Variants in PTCHD4 observed in about 807,000 individuals in gnomAD.
PTCHD4 encodes the protein patched domain containing 4, also known as patched domain-containing protein 4.
PTCHD4 carries 33 observed loss-of-function variants against 58.1 expected under a neutral mutation model. That is an observed-to-expected ratio of 0.57 (90% CI 0.43 to 0.76). The LOEUF (loss-of-function observed/expected upper bound fraction) is 0.76, where lower values mean the gene tolerates loss of function less well. Among genes scored for constraint, PTCHD4 ranks in the 30% least tolerant of loss-of-function variants. PTCHD4 has a pLI of 0.00. For synonymous variants in PTCHD4, 478 were observed against 409.6 expected, an observed-to-expected ratio of 1.17 and a Z score of -2.02; for missense variants, 1,058 against 1,027.1, an observed-to-expected ratio of 1.03 and a Z score of -0.41.
chr6:48,019,386 A>G (rs1210588007), intron 3 of PTCHD4, among the ~76,000 whole-genome samples: 2 of 152,138 alleles, frequency 1.3e-5, no homozygotes, highest in Non-Finnish European at 2.9e-5. Flanking sequence ...CCTGTCTTCA[A>G]AGGGCCTATG....
chr6:47,866,772 G>A lies in PTCHD4; in HGVS notation c.*11531C>T, dbSNP rs906840458. The stretch of plus-strand genomic sequence containing the variant: ...ACAAGGGTAATGTATAAATCAGTTA[G>A]GTTTATGCTTAAAAACTAAGTGCAT... On this transcript the variant is annotated 3_prime_UTR_variant, in exon 5 of 5. Coordinates refer to ENST00000339488, the MANE Select transcript of PTCHD4 (RefSeq NM_001384253.1). Among the ~76,000 whole-genome samples the A allele has an allele frequency of 6.6e-5, 10 of 151,876 alleles. No homozygotes were observed. The highest frequency in any genetic ancestry group is 2.2e-4 in the African/African-American group (9 of 41,472).
In PTCHD4 at chr6:47,859,115, T is replaced by C. The variant is rs1002160281; in HGVS notation, c.*19188A>G. Among the ~76,000 whole-genome samples, 3 of 152,054 alleles carry C rather than the reference T, an allele frequency of 2.0e-5. No homozygotes were observed. The highest frequency in any genetic ancestry group is 7.2e-5 in the African/African-American group (3 of 41,438). ...CTTATGTCAGGGTAACTTTGTGTAT[T>C]TGTGTGCATACTCTTACAATTCCAG... On this transcript the variant is annotated 3_prime_UTR_variant, in exon 5 of 5. Transcript: ENST00000339488.
chr6:47,883,790 T>C (rs551832632), intron 4 of PTCHD4, among the ~76,000 whole-genome samples: 2 of 152,280 alleles, frequency 1.3e-5, no homozygotes, highest in East Asian at 3.9e-4. Context: ...CCCACAGTTA[T>C]AACAACCAAA....
At position 47,860,664 on chromosome 6, in the gene PTCHD4, G is replaced by A. The variant is rs536555840; in HGVS notation, c.*17639C>T. 1.1e-4 allele frequency among the ~76,000 whole-genome samples: 17 copies of A among 151,746 alleles called. No homozygotes were observed. In the East Asian group the frequency reaches 3.3e-3, roughly 30 times the overall value. ...CTGAACTCATATCTTCAATTTCCTA[G>A]AGTATTGTTACCTAGCAGGGTCAGG... On this transcript the variant is annotated 3_prime_UTR_variant, in exon 5 of 5. Transcript: ENST00000339488.
At chr6:48,079,512 A>G (rs896428402) in intron 1 of PTCHD4, among the ~76,000 whole-genome samples, 1 of 151,976 alleles carries the variant, frequency 6.6e-6, no homozygotes, top group Non-Finnish European at 1.5e-5. Context: ...AGAAGAGTAC[A>G]GTATTCCCTA....
intron 3 of PTCHD4, among the ~76,000 whole-genome samples, chr6:48,010,527 G>GT (rs144561001): frequency 0.039 from 5,960 of 152,120 alleles, 148 homozygotes; most frequent in Admixed American, 0.069. Flanking sequence ...AACACAAAAA[G>GT]TTTACAATAT....
intron 3 of PTCHD4, among the ~76,000 whole-genome samples, chr6:48,065,897 T>G (rs1412814911): frequency 6.6e-6 from 1 of 152,220 alleles, no homozygotes; most frequent in Non-Finnish European, 1.5e-5. Context: ...TATGCTATTA[T>G]GATATTAACC....
At chr6:47,993,059 G>T (rs567418199) in intron 4 of PTCHD4, among the ~76,000 whole-genome samples, 1 of 152,214 alleles carries the variant, frequency 6.6e-6, no homozygotes, top group Middle Eastern at 3.4e-3. Flanking sequence ...CAAAAGCATG[G>T]GCACCATGGC....
rs532806819 is a variant in PTCHD4, at chr6:47,913,776, A to G, written c.899-33840T>C. 2.0e-5 allele frequency among the ~76,000 whole-genome samples: 3 copies of G among 152,298 alleles called. No individual in the cohort carries two copies. In the South Asian group the frequency reaches 6.2e-4, roughly 32 times the overall value. On this transcript the variant is annotated intron_variant, in intron 4 of 4. Transcript: ENST00000339488. ...TGAGCAGAGATGCCGAAACTGAAGA[A>G]TGCTGGAGGAGGCTGATTCTGCAGA...
At chr6:48,000,419 G>C (rs1768677331) in intron 4 of PTCHD4, among the ~76,000 whole-genome samples, 1 of 151,980 alleles carries the variant, frequency 6.6e-6, no homozygotes, top group Non-Finnish European at 1.5e-5. Context: ...TGTGCCTAGG[G>C]GTTAAGAAAA....
intron 4 of PTCHD4, among the ~76,000 whole-genome samples, chr6:47,935,534 G>A: frequency 6.6e-6 from 1 of 151,944 alleles, no homozygotes; most frequent in East Asian, 1.9e-4. Flanking sequence ...CATCAAGGGA[G>A]GCCTCAAACC....
chr6:48,029,069 T>C (rs76169536), intron 3 of PTCHD4, among the ~76,000 whole-genome samples: 1,841 of 152,214 alleles, frequency 0.012, 29 homozygotes, highest in African/African-American at 0.041. Context: ...ATGAAATTCC[T>C]ACAAACTTGA....
chr6:47,875,253 T>C lies in PTCHD4; in HGVS notation c.*3050A>G, dbSNP rs1456553972. Among the ~76,000 whole-genome samples, 1 of 151,778 alleles carries C rather than the reference T, an allele frequency of 6.6e-6. No individual in the cohort carries two copies. Among genetic ancestry groups the C allele is most frequent in the Non-Finnish European group, 1.5e-5 (1 of 67,840 alleles). ...TTGAATGGCATTAGTACTTCATAAA[T>C]GAACAAAACAATGAGTGCAAACTGG... On this transcript the variant is annotated 3_prime_UTR_variant, in exon 5 of 5. Coordinates refer to ENST00000339488, the MANE Select transcript of PTCHD4 (RefSeq NM_001384253.1).
chr6:48,104,797 C>A (rs888663478), intron 1 of PTCHD4, among the ~76,000 whole-genome samples: 2 of 152,074 alleles, frequency 1.3e-5, no homozygotes, highest in Non-Finnish European at 2.9e-5. Flanking sequence ...GCAGGGGTTG[C>A]AATCCTAGTC....
At chr6:47,925,885 T>A (rs946015512) in intron 4 of PTCHD4, among the ~76,000 whole-genome samples, 4 of 152,130 alleles carry the variant, frequency 2.6e-5, no homozygotes, top group African/African-American at 9.7e-5. Context: ...ACAGAACAGG[T>A]TCTGGGGATT....
At chr6:47,888,201 C>CA (rs11433021) in intron 4 of PTCHD4, among the ~76,000 whole-genome samples, 70,232 of 151,642 alleles carry the variant, frequency 0.46, 17,889 homozygotes, top group East Asian at 0.75. Context: ...ACTAAAAATA[C>CA]AAAAAATTAG....
chr6:48,006,013 C>T (rs1334877745), intron 4 of PTCHD4, among the ~76,000 whole-genome samples: 4 of 152,124 alleles, frequency 2.6e-5, no homozygotes, highest in African/African-American at 9.7e-5. Context: ...AAACAAAACA[C>T]AACCAAACAA....
At chr6:47,965,392 T>A (rs1313906515) in intron 4 of PTCHD4, among the ~76,000 whole-genome samples, 1 of 152,198 alleles carries the variant, frequency 6.6e-6, no homozygotes, top group Non-Finnish European at 1.5e-5. Context: ...GTGTATTTTT[T>A]AAAAGATCTT....
chr6:48,068,859 C>G lies in PTCHD4; in HGVS notation c.5+94G>C, dbSNP rs1014661510. Among the ~76,000 whole-genome samples, 5 of 151,934 alleles carry G rather than the reference C, an allele frequency of 3.3e-5. No individual in the cohort carries two copies. The East Asian group carries it at 7.9e-4, about 24-fold the overall frequency. ...AAGTTGCAGCAAGGCGGGCAAATAC[C>G]GACAGCGCGCGTGGGGGCGGGCGGC... On this transcript the variant is annotated intron_variant, in intron 2 of 4. Coordinates refer to ENST00000339488, the MANE Select transcript of PTCHD4 (RefSeq NM_001384253.1). The surrounding 1 kb of genome is among the most constrained non-coding windows in gnomAD (Gnocchi z 4.2).
Sources: allele counts gnomAD v4.1 joint callset (sites outside exome capture counted in the v4.1 genomes callset), GRCh38; gene constraint gnomAD v4.1.1; non-coding constraint Gnocchi (gnomAD v3.1); transcripts MANE v1.5; gene names NCBI Gene and HGNC (gene_info 2026-07-23, HGNC 2026-07-21).